The following NYAP2 variants were observed in gnomAD, a reference collection of about 807,000 sequenced individuals.
NYAP2 encodes the protein neuronal tyrosine-phosphorylated phosphoinositide-3-kinase adapter 2.
A neutral mutation model predicts 50.4 loss-of-function variants in NYAP2; 23 were observed. The observed-to-expected ratio is 0.46, with a 90% CI of 0.33 to 0.65. NYAP2 has a LOEUF of 0.65. Ranked by LOEUF, NYAP2 falls within the 30% of genes least tolerant of loss-of-function variation. The probability of loss-of-function intolerance (pLI) is 0.02; values close to 1 mark genes in which losing one functional copy is unlikely to be tolerated. For missense variants in NYAP2, 885 were observed against 861.0 expected, an observed-to-expected ratio of 1.03 and a Z score of -0.35; for synonymous variants, 394 against 365.2, an observed-to-expected ratio of 1.08 and a Z score of -0.90.
chr2:225,641,620 C>T (rs995722000), intron 6 of NYAP2, among the ~76,000 whole-genome samples: 6 of 152,054 alleles, frequency 3.9e-5, no homozygotes, highest in African/African-American at 1.4e-4. Context: ...CAAGACCAGC[C>T]TGGCCAACAT....
chr2:225,453,667 G>T (rs368003276), intron 3 of NYAP2, among the ~76,000 whole-genome samples: 1 of 150,806 alleles, frequency 6.6e-6, no homozygotes, highest in East Asian at 1.9e-4. Context: ...GTTTGTTTTT[G>T]TTTTTCTTTT....
At chr2:225,566,915 ATG>A (rs770779216) in intron 4 of NYAP2, among the ~76,000 whole-genome samples, 29 of 150,328 alleles carry the variant, frequency 1.9e-4, no homozygotes, top group East Asian at 3.9e-4. Flanking sequence ...TTACAGTAAT[ATG>A]TGTGTGTGTG....
intron 3 of NYAP2, among the ~76,000 whole-genome samples, chr2:225,475,971 T>A (rs751344792): frequency 2.6e-5 from 4 of 152,198 alleles, no homozygotes; most frequent in African/African-American, 9.7e-5. Flanking sequence ...GATTTTCCAA[T>A]AAATAAGTGG....
chr2:225,628,013 C>T lies in NYAP2; in HGVS notation c.1828+887C>T, dbSNP rs183376812. 3.5e-3 allele frequency among the ~76,000 whole-genome samples: 539 copies of T among 152,062 alleles called. 1 individual carries two copies. The highest frequency in any genetic ancestry group is 8.8e-3 in the Admixed American group (134 of 15,264). On this transcript the variant is annotated intron_variant, in intron 6 of 6. Coordinates refer to ENST00000636099, the Ensembl canonical transcript of NYAP2. The stretch of plus-strand genomic sequence containing the variant: ...TTTAGCTTGTGGTCTCTCAGACAGT[C>T]GTGCACAAGTTAAAATTGGAATAGG...
chr2:225,621,748 T>A (rs1693107810), intron 5 of NYAP2, among the ~76,000 whole-genome samples: 1 of 152,212 alleles, frequency 6.6e-6, no homozygotes, highest in East Asian at 1.9e-4. Context: ...CTGGCATACA[T>A]GTGCAGAATG....
chr2:225,612,622 G>C (rs1692910566), intron 5 of NYAP2, among the ~76,000 whole-genome samples: 1 of 152,052 alleles, frequency 6.6e-6, no homozygotes, highest in South Asian at 2.1e-4. Context: ...TCAAGTACTG[G>C]TGAGGACTCT....
At chr2:225,644,760 G>A (rs1191340056) in intron 6 of NYAP2, among the ~76,000 whole-genome samples, 3 of 148,328 alleles carry the variant, frequency 2.0e-5, no homozygotes, top group African/African-American at 7.5e-5. Context: ...GTAGATATGC[G>A]GCGTTATTTC....
intron 3 of NYAP2, among the ~76,000 whole-genome samples, chr2:225,472,687 A>C (rs1020026860): frequency 2.0e-5 from 3 of 152,178 alleles, no homozygotes; most frequent in African/African-American, 7.2e-5. Context: ...TAATTTTTTT[A>C]ATTTAAATTT....
chr2:225,463,287 GC>G (rs1415487135), intron 3 of NYAP2, among the ~76,000 whole-genome samples: 9 of 152,236 alleles, frequency 5.9e-5, no homozygotes, highest in African/African-American at 2.2e-4. Flanking sequence ...TTTATCTGTG[GC>G]ATTTGGAATG....
chr2:225,622,513 TC>T, intron 5 of NYAP2, among the ~76,000 whole-genome samples: 1 of 33,854 alleles, frequency 3.0e-5, no homozygotes. Context: ...TTTCTTTCTT[TC>T]TTTCTTCTTT....
intron 3 of NYAP2, among the ~76,000 whole-genome samples, chr2:225,456,501 G>C (rs1353955098): frequency 6.6e-6 from 1 of 152,104 alleles, no homozygotes. Flanking sequence ...GGTTTATTTT[G>C]GAGAATAAAC....
chr2:225,495,288 T>C (rs1690483303), intron 3 of NYAP2, among the ~76,000 whole-genome samples: 1 of 152,138 alleles, frequency 6.6e-6, no homozygotes, highest in African/African-American at 2.4e-5. Flanking sequence ...TATTTGTACT[T>C]CTCAGGGGTT....
chr2:225,509,062 G>A (rs1690762948), intron 3 of NYAP2, among the ~76,000 whole-genome samples: 1 of 152,152 alleles, frequency 6.6e-6, no homozygotes, highest in South Asian at 2.1e-4. Flanking sequence ...ACCGCAGTTT[G>A]TATGGGAGCT....
In NYAP2 at chr2:225,419,189, A is replaced by T. The variant is rs898450929; in HGVS notation, c.221+10088A>T. 2.0e-5 allele frequency among the ~76,000 whole-genome samples: 3 copies of T among 152,212 alleles called. No individual in the cohort carries two copies. The East Asian group carries it at 5.8e-4, about 29-fold the overall frequency. On this transcript the variant is annotated intron_variant, in intron 3 of 6. Coordinates refer to ENST00000636099, the Ensembl canonical transcript of NYAP2. ...GTTTAGGGCAGAGATGACAGTCACAAATCCTGTAATACAAGAAGGAAGATA... is the reference window on the plus strand; with the variant it reads ...GTTTAGGGCAGAGATGACAGTCACATATCCTGTAATACAAGAAGGAAGATA...
chr2:225,513,350 T>C, intron 3 of NYAP2, 21 bp from the exon 4 acceptor site: 1 of 1,612,994 alleles, frequency 6.2e-7, no homozygotes, highest in Non-Finnish European at 8.5e-7. Context: ...TTCATGGTTT[T>C]TGGTCTGCTT....
chr2:225,639,925 A>G (rs192644107), intron 6 of NYAP2, among the ~76,000 whole-genome samples: 1 of 152,276 alleles, frequency 6.6e-6, no homozygotes, highest in Non-Finnish European at 1.5e-5. Flanking sequence ...TAGATGCCAG[A>G]ACTCTGTGAC....
the NYAP2 span, among the ~76,000 whole-genome samples, chr2:225,674,808 G>A: frequency 1.3e-5 from 2 of 152,092 alleles, no homozygotes; most frequent in Non-Finnish European, 2.9e-5. Flanking sequence ...TAGGAGTGTT[G>A]GGAGATCTGT....
chr2:225,412,784 G>A (rs144282877), intron 3 of NYAP2, among the ~76,000 whole-genome samples: 45 of 152,184 alleles, frequency 3.0e-4, no homozygotes, highest in African/African-American at 9.4e-4. Flanking sequence ...GGAAAATAGC[G>A]GGCTAGGAAA....
At chr2:225,579,996 G>A (rs1001338373) in intron 4 of NYAP2, among the ~76,000 whole-genome samples, 21 of 152,176 alleles carry the variant, frequency 1.4e-4, no homozygotes, top group African/African-American at 4.6e-4. Flanking sequence ...CCTTCATAGA[G>A]CATCTCTCTC....
Sources: allele counts gnomAD v4.1 joint callset (sites outside exome capture counted in the v4.1 genomes callset), GRCh38; gene constraint gnomAD v4.1.1; transcripts MANE v1.5; gene names NCBI Gene and HGNC (gene_info 2026-07-23, HGNC 2026-07-21).